The following SYNJ2 variants were observed in gnomAD, a reference collection of about 807,000 sequenced individuals.
The protein encoded by SYNJ2 is polyphosphatidylinositol phosphatase SYNJ2.
In SYNJ2, 116 loss-of-function variants were observed where a neutral mutation model predicts 141.3. The observed-to-expected ratio is 0.82, with a 90% CI of 0.71 to 0.96. The LOEUF (loss-of-function observed/expected upper bound fraction) is 0.96. Ranked by LOEUF, SYNJ2 falls within the 40% of genes least tolerant of loss-of-function variation. The pLI, the probability that SYNJ2 is intolerant of heterozygous loss-of-function variation, is 0.00. For synonymous variants in SYNJ2, 745 were observed against 777.7 expected (o/e 0.96, Z 0.70); for missense variants, 1,873 against 1,934.8 (o/e 0.97, Z 0.60).
At position 158,088,693 on chromosome 6, in the gene SYNJ2, C is replaced by T. The variant is rs928980299; in HGVS notation, c.3377C>T (p.Ala1126Val). Residue 1126 changes from alanine to valine, a missense_variant, in exon 24 of 27, where the codon GCG becomes GTG. By Grantham distance (64) the Ala-to-Val change is moderately conservative. Coordinates refer to ENST00000355585, the MANE Select transcript of SYNJ2 (RefSeq NM_003898.4). Reference sequence around the variant, plus strand: ...ATGGTGAAAAAGTCGGCTTCAGATGCGTCCATCTCCTCCGGCACCCATGGA... The same window carrying T: ...ATGGTGAAAAAGTCGGCTTCAGATGTGTCCATCTCCTCCGGCACCCATGGA... ...GLMVKKSASD[A>V]SISSGTHGQY... 32 of 1,613,904 alleles carry T rather than the reference C, an allele frequency of 2.0e-5. No homozygotes were observed. The highest frequency in any genetic ancestry group is 2.5e-5 in the Non-Finnish European group (30 of 1,179,980).
rs1183900543 is a variant in SYNJ2 at position 158,098,368 on chromosome 6, C to T, written c.*2004C>T. On this transcript the variant is annotated 3_prime_UTR_variant, in exon 27 of 27. Coordinates refer to ENST00000355585, the MANE Select transcript of SYNJ2 (RefSeq NM_003898.4). ...CCTAAGTAGCTCTTCAGAGTCTGAC[C>T]GTAAGTAAAAACACACAGAATTGTG... is the stretch of plus-strand genomic sequence containing the variant. The T allele has an allele frequency of 2.0e-5, 3 of 151,804 alleles. No individual in the cohort carries two copies. The highest frequency in any genetic ancestry group is 7.3e-5 in the African/African-American group (3 of 41,324). The allele number at this position is 151,804 out of a possible 1,614,324, so 9.4% of individuals were successfully genotyped here.
intron 15 of SYNJ2, among the ~76,000 whole-genome samples, chr6:158,073,026 C>T (rs1782033778): frequency 6.7e-6 from 1 of 148,492 alleles, no homozygotes. Flanking sequence ...GCTGAGATCG[C>T]ACCACTACAC....
intron 26 of SYNJ2, 86 bp downstream of exon 26, chr6:158,093,190 C>A: frequency 7.0e-7 from 1 of 1,421,338 alleles, no homozygotes; most frequent in Non-Finnish European, 9.5e-7. Flanking sequence ...AATCCCAGCA[C>A]ATTGGGAAGC....
At chr6:158,019,962 C>A (rs1778670088) in intron 2 of SYNJ2, among the ~76,000 whole-genome samples, 1 of 152,240 alleles carries the variant, frequency 6.6e-6, no homozygotes, top group Admixed American at 6.5e-5. Context: ...GAACTGTGAT[C>A]TATTTTCTTT....
intron 15 of SYNJ2, among the ~76,000 whole-genome samples, chr6:158,073,593 C>G (rs1782076744): frequency 6.6e-6 from 1 of 152,154 alleles, no homozygotes; most frequent in Non-Finnish European, 1.5e-5. Flanking sequence ...TTTAAAATTC[C>G]TTGCTTTCCC....
At chr6:158,083,666 CCTT>C in intron 21 of SYNJ2, 69 bp downstream of exon 21, 1 of 1,580,392 alleles carries the variant, frequency 6.3e-7, no homozygotes, top group Non-Finnish European at 8.6e-7. Context: ...TTTAAGGACA[CCTT>C]CTAAAGCCTC....
intron 5 of SYNJ2, among the ~76,000 whole-genome samples, chr6:158,054,378 A>T (rs1205505436): frequency 6.6e-6 from 1 of 152,228 alleles, no homozygotes; most frequent in Admixed American, 6.5e-5. Context: ...GTTAAAATCC[A>T]TTACTGTCCT....
intron 3 of SYNJ2, among the ~76,000 whole-genome samples, chr6:158,032,368 CAAGT>C (rs1246972354): frequency 6.6e-6 from 1 of 152,226 alleles, no homozygotes; most frequent in Non-Finnish European, 1.5e-5. Flanking sequence ...CTTTTTTAAA[CAAGT>C]AGGGCACTGT....
Position 158,027,259 on chromosome 6 carries a change from C to A in SYNJ2, c.215-1497C>A. On this transcript the variant is annotated intron_variant, in intron 2 of 26. Coordinates refer to ENST00000355585, the MANE Select transcript of SYNJ2 (RefSeq NM_003898.4). The surrounding 1 kb of genome is among the most constrained non-coding windows in gnomAD (Gnocchi z 4.6). ...GATCAGAACCATCTCCAGACCATGGCTGTAGACAGCGGCCCTTGATCATTC... is the reference window on the plus strand; with the variant it reads ...GATCAGAACCATCTCCAGACCATGGATGTAGACAGCGGCCCTTGATCATTC... The A allele has an allele frequency of 1.1e-6, 1 of 936,318 alleles. No individual in the cohort carries two copies. The highest frequency in any genetic ancestry group is 1.3e-6 in the Non-Finnish European group (1 of 785,322). 58.0% of individuals were successfully genotyped at this position (936,318 alleles called of 1,614,324 possible).
chr6:158,095,477 C>T, intron 26 of SYNJ2, 141 bp from the exon 27 acceptor site: 1 of 1,112,742 alleles, frequency 9.0e-7, no homozygotes, highest in South Asian at 1.7e-5. Context: ...ATTTCTGGCA[C>T]CCCACACATT....
intron 2 of SYNJ2, among the ~76,000 whole-genome samples, chr6:158,018,192 C>G (rs973934774): frequency 2.0e-5 from 3 of 152,114 alleles, no homozygotes; most frequent in African/African-American, 7.2e-5. Context: ...GGGGGTGAGC[C>G]GGTGGTGGCC....
rs79095597 is a variant in SYNJ2, at chr6:158,040,534, A to T, written c.712-2782A>T. ...GACCAAAAAGTCCCCTCAGTCTATT[A>T]AAAAAAAAAAAGGATGTAAGATAAA... On this transcript the variant is annotated intron_variant, in intron 4 of 26. Transcript: ENST00000355585. This position sits in a 1 kb window ranked among gnomAD's most constrained non-coding sequence, Gnocchi z 4.2. Among the ~76,000 whole-genome samples the T allele has an allele frequency of 1.6e-5, 2 of 123,510 alleles. No homozygotes were observed. The highest frequency in any genetic ancestry group is 3.1e-5 in the Non-Finnish European group (2 of 64,780). The allele number at this position is 123,510 out of a possible 152,430, so 81.0% of individuals were successfully genotyped here.
intron 1 of SYNJ2, among the ~76,000 whole-genome samples, chr6:158,011,457 C>A (rs1307908218): frequency 6.6e-6 from 1 of 152,142 alleles, no homozygotes; most frequent in East Asian, 1.9e-4. Context: ...GTTTTGAGCT[C>A]CTGCATTGTA....
intron 2 of SYNJ2, among the ~76,000 whole-genome samples, chr6:158,020,459 CAACT>C (rs925678921): frequency 4.7e-5 from 7 of 149,020 alleles, no homozygotes; most frequent in African/African-American, 1.7e-4. Context: ...TGTGTGACTC[CAACT>C]GTGACTCCAT....
Position 158,043,658 on chromosome 6 carries a change from G to A in SYNJ2, c.795+259G>A, listed in dbSNP as rs759772742. Among the ~76,000 whole-genome samples the A allele has an allele frequency of 4.6e-5, 7 of 152,202 alleles. No homozygotes were observed. The highest frequency in any genetic ancestry group is 7.2e-5 in the African/African-American group (3 of 41,460). On this transcript the variant is annotated intron_variant, in intron 5 of 26. Coordinates refer to ENST00000355585, the MANE Select transcript of SYNJ2 (RefSeq NM_003898.4). This position sits in a 1 kb window ranked among gnomAD's most constrained non-coding sequence, Gnocchi z 4.0. ...GGATGCTGTGTGAAACCGCTGACTC[G>A]GGAACGGTGCTGCGGTGCCTGCTGA... is the stretch of plus-strand genomic sequence containing the variant.
Position 158,097,460 on chromosome 6 carries a change from A to G in SYNJ2, c.*1096A>G, listed in dbSNP as rs1161174125. Reference sequence around the variant, plus strand: ...AAAAGACATTACCATAGTGCTTTACATTTTTAAAGTAATGTTACAAGGTCT... The same window carrying G: ...AAAAGACATTACCATAGTGCTTTACGTTTTTAAAGTAATGTTACAAGGTCT... On this transcript the variant is annotated 3_prime_UTR_variant, in exon 27 of 27. Coordinates refer to ENST00000355585, the MANE Select transcript of SYNJ2 (RefSeq NM_003898.4). 1.3e-5 allele frequency: 2 copies of G among 152,210 alleles called. No individual in the cohort carries two copies. Among genetic ancestry groups the G allele is most frequent in the Non-Finnish European group, 2.9e-5 (2 of 68,030 alleles). 9.4% of individuals were successfully genotyped at this position (152,210 alleles called of 1,614,324 possible).
chr6:158,023,264 TAA>T (rs112882268), intron 2 of SYNJ2, among the ~76,000 whole-genome samples: 21 of 125,242 alleles, frequency 1.7e-4, no homozygotes, highest in Admixed American at 2.4e-4. Context: ...TCTCTAAATT[TAA>T]AAAAAAAAAA....
chr6:158,092,082 G>T (rs1783494544), intron 25 of SYNJ2, among the ~76,000 whole-genome samples: 1 of 149,522 alleles, frequency 6.7e-6, no homozygotes, highest in Non-Finnish European at 1.5e-5. Context: ...GAATTTCACG[G>T]TATGTGAATT....
chr6:158,077,186 G>A (rs1220476699), intron 17 of SYNJ2, among the ~76,000 whole-genome samples: 1 of 152,106 alleles, frequency 6.6e-6, no homozygotes, highest in Non-Finnish European at 1.5e-5. Context: ...TAGAGACGGG[G>A]TTTCTCCATG....
Sources: allele counts gnomAD v4.1 joint callset (sites outside exome capture counted in the v4.1 genomes callset), GRCh38; gene constraint gnomAD v4.1.1; non-coding constraint Gnocchi (gnomAD v3.1); transcripts MANE v1.5; gene names NCBI Gene and HGNC (gene_info 2026-07-23, HGNC 2026-07-21).